Variants in KIAA1549L observed in about 807,000 individuals in gnomAD.
KIAA1549L encodes UPF0606 protein KIAA1549L.
Under a neutral mutation model 160.7 loss-of-function variants are expected in KIAA1549L, and 88 were observed. The observed-to-expected ratio is 0.55, with a 90% CI of 0.46 to 0.65. The LOEUF (loss-of-function observed/expected upper bound fraction) is 0.65, where lower values mean the gene tolerates loss of function less well. KIAA1549L is among the 30% of genes least tolerant of loss of function. KIAA1549L has a pLI of 0.00. For missense variants in KIAA1549L, 2,258 were observed against 2,437.5 expected, an observed-to-expected ratio of 0.93 and a Z score of 1.55; for synonymous variants, 950 against 976.7, an observed-to-expected ratio of 0.97 and a Z score of 0.51.
intron 16 of KIAA1549L, among the ~76,000 whole-genome samples, chr11:33,625,122 T>C (rs1431451480): frequency 2.6e-5 from 4 of 151,738 alleles, no homozygotes; most frequent in Non-Finnish European, 4.4e-5. Context: ...TATTCCATGG[T>C]GTATATGTGC....
At chr11:33,421,182 G>A (rs189922368) in intron 1 of KIAA1549L, among the ~76,000 whole-genome samples, 2 of 151,118 alleles carry the variant, frequency 1.3e-5, no homozygotes, top group Admixed American at 1.3e-4. Flanking sequence ...TCTCACTCAG[G>A]GGATGGAGGG....
At chr11:33,397,573 G>A (rs1850404296) in intron 1 of KIAA1549L, among the ~76,000 whole-genome samples, 1 of 151,512 alleles carries the variant, frequency 6.6e-6, no homozygotes. Context: ...TTAGCCGGAC[G>A]TGGTGGCGGG....
At chr11:33,431,145 G>A (rs1385631452) in intron 1 of KIAA1549L, among the ~76,000 whole-genome samples, 4 of 152,036 alleles carry the variant, frequency 2.6e-5, no homozygotes, top group African/African-American at 7.2e-5. Context: ...TGGGCTCGCT[G>A]GCTTCAGGAG....
chr11:33,590,916 C>T (rs1850034308), intron 11 of KIAA1549L, among the ~76,000 whole-genome samples: 1 of 152,188 alleles, frequency 6.6e-6, no homozygotes, highest in Admixed American at 6.5e-5. Flanking sequence ...AGTTGTTTCT[C>T]ATTTGCAGCA....
At chr11:33,388,834 C>G (rs1215961455) in intron 1 of KIAA1549L, among the ~76,000 whole-genome samples, 1 of 152,208 alleles carries the variant, frequency 6.6e-6, no homozygotes, top group Non-Finnish European at 1.5e-5. Flanking sequence ...CTTCTGCAGA[C>G]ATTTAAGAAA....
chr11:33,452,503 G>A (rs1851741121), intron 1 of KIAA1549L, among the ~76,000 whole-genome samples: 1 of 152,184 alleles, frequency 6.6e-6, no homozygotes, highest in African/African-American at 2.4e-5. Context: ...AGCTACTCGG[G>A]AGGCTGAGCC....
In KIAA1549L at chr11:33,440,216, A is replaced by G. The variant is rs956097528; in HGVS notation, c.238+63327A>G. Among the ~76,000 whole-genome samples the G allele has an allele frequency of 2.2e-4, 25 of 111,762 alleles. No individual in the cohort carries two copies. In the East Asian group the frequency reaches 2.4e-3, roughly 11 times the overall value. 73.3% of individuals were successfully genotyped at this position (111,762 alleles called of 152,430 possible). A position where few individuals can be genotyped will look rare whatever the true frequency, so the allele number is the denominator to read the frequency against. ...GGGATCTCGGCTCATTGCAAGCTCC[A>G]CCTCCCGGGTTCACGCCATTCTCCT... On this transcript the variant is annotated intron_variant, in intron 1 of 20. Coordinates refer to ENST00000658780, the MANE Select transcript of KIAA1549L (RefSeq NM_012194.3).
intron 16 of KIAA1549L, among the ~76,000 whole-genome samples, chr11:33,619,835 A>G (rs1764545911): frequency 6.6e-6 from 1 of 152,198 alleles, no homozygotes; most frequent in South Asian, 2.1e-4. Context: ...AATATTTCCT[A>G]TGCGAAATTC....
intron 10 of KIAA1549L, among the ~76,000 whole-genome samples, chr11:33,580,587 AAAAAG>A (rs1554994222): frequency 2.0e-4 from 26 of 127,566 alleles, no homozygotes; most frequent in Non-Finnish European, 3.5e-4. Flanking sequence ...AAAAAAAAAA[AAAAAG>A]AAAAGAAAAG....
intron 1 of KIAA1549L, among the ~76,000 whole-genome samples, chr11:33,486,216 A>C (rs1852523242): frequency 1.3e-5 from 2 of 152,150 alleles, no homozygotes; most frequent in African/African-American, 4.8e-5. Context: ...GAGGCTGTGG[A>C]GAAAAGGGAA....
At chr11:33,431,557 G>A (rs1851243668) in intron 1 of KIAA1549L, among the ~76,000 whole-genome samples, 1 of 152,230 alleles carries the variant, frequency 6.6e-6, no homozygotes. Context: ...GACACAGGGT[G>A]CTGATTGGTG....
At chr11:33,614,576 ATATATATATTTTTTTT>A (rs1850754529) in intron 15 of KIAA1549L, among the ~76,000 whole-genome samples, 1 of 12,118 alleles carries the variant, frequency 8.3e-5, no homozygotes, top group Non-Finnish European at 1.2e-4. Context: ...ATATATATAT[ATATATATATTTTTTTT>A]TTTTTTTTTT....
chr11:33,607,751 T>C (rs1049163670), intron 14 of KIAA1549L, among the ~76,000 whole-genome samples: 1 of 152,184 alleles, frequency 6.6e-6, no homozygotes, highest in African/African-American at 2.4e-5. Context: ...AAACCAGGTA[T>C]TGTAAATACG....
chr11:33,429,965 C>T lies in KIAA1549L; in HGVS notation c.238+53076C>T, dbSNP rs80117522. On this transcript the variant is annotated intron_variant, in intron 1 of 20. Transcript: ENST00000658780. ...TGTATGAAACAGCAACCAGAGAGATCCTGTTCAAACCCATCAGATCATGTG... is the reference window on the plus strand; with the variant it reads ...TGTATGAAACAGCAACCAGAGAGATTCTGTTCAAACCCATCAGATCATGTG... Among the ~76,000 whole-genome samples the T allele has an allele frequency of 6.9e-3, 1,043 of 151,946 alleles. 8 individuals are homozygous for T. Among genetic ancestry groups the T allele is most frequent in the African/African-American group, 0.023 (959 of 41,352 alleles).
intron 1 of KIAA1549L, among the ~76,000 whole-genome samples, chr11:33,478,620 G>A (rs1019706821): frequency 6.6e-6 from 1 of 152,170 alleles, no homozygotes; most frequent in Non-Finnish European, 1.5e-5. Flanking sequence ...CATGTAAACA[G>A]TAAGCCATGA....
At chr11:33,651,860 T>TCCCCCCC (rs1851900662) in intron 17 of KIAA1549L, among the ~76,000 whole-genome samples, 1 of 4,016 alleles carries the variant, frequency 2.5e-4, no homozygotes, top group African/African-American at 1.6e-3. Flanking sequence ...CCCATTCCCC[T>TCCCCCCC]CCCCTCCCCT....
At chr11:33,626,565 G>A (rs1172981670) in intron 16 of KIAA1549L, among the ~76,000 whole-genome samples, 2 of 122,806 alleles carry the variant, frequency 1.6e-5, no homozygotes, top group African/African-American at 3.3e-5. Context: ...TCTGTCTGTT[G>A]TTGGTGTATA....
At chr11:33,493,955 T>C (rs750726982) in intron 1 of KIAA1549L, among the ~76,000 whole-genome samples, 3 of 152,190 alleles carry the variant, frequency 2.0e-5, no homozygotes, top group Non-Finnish European at 4.4e-5. Context: ...AACCAGAATC[T>C]TAGAGGATGG....
chr11:33,463,733 G>A (rs1590263797), intron 1 of KIAA1549L, among the ~76,000 whole-genome samples: 1 of 152,324 alleles, frequency 6.6e-6, no homozygotes, highest in East Asian at 1.9e-4. Context: ...TTTCCTACAT[G>A]CTTTAACTTC....
Sources: allele counts gnomAD v4.1 joint callset (sites outside exome capture counted in the v4.1 genomes callset), GRCh38; gene constraint gnomAD v4.1.1; transcripts MANE v1.5; gene names NCBI Gene and HGNC (gene_info 2026-07-23, HGNC 2026-07-21).